The following MTTP variants were observed in gnomAD, a reference collection of about 807,000 sequenced individuals.
MTTP encodes the protein microsomal triglyceride transfer protein, also known as microsomal triglyceride transfer protein large subunit.
In MTTP, 49 loss-of-function variants were observed where a neutral mutation model predicts 90.6. That is an observed-to-expected ratio of 0.54 (90% CI 0.43 to 0.69). The LOEUF is 0.69. Among genes scored for constraint, MTTP ranks in the 30% least tolerant of loss-of-function variants. The pLI, the probability that MTTP is intolerant of heterozygous loss-of-function variation, is 0.00. For synonymous variants in MTTP, 347 were observed against 384.2 expected (o/e 0.90, Z 1.13); for missense variants, 945 against 1,067.5 (o/e 0.89, Z 1.60).
At chr4:99,606,520 T>C (rs1725820170) in intron 10 of MTTP, among the ~76,000 whole-genome samples, 1 of 152,230 alleles carries the variant, frequency 6.6e-6, no homozygotes, top group South Asian at 2.1e-4. Context: ...TTATTGATAA[T>C]ACTCATTGCT....
At chr4:99,612,638 T>C (rs1393440276) in intron 14 of MTTP, among the ~76,000 whole-genome samples, 2 of 152,178 alleles carry the variant, frequency 1.3e-5, no homozygotes, top group African/African-American at 4.8e-5. Flanking sequence ...TGACATTTAT[T>C]AGCTGAGTAA....
upstream of MTTP, among the ~76,000 whole-genome samples, chr4:99,570,038 C>G (rs1252141252): frequency 1.3e-5 from 2 of 151,304 alleles, no homozygotes; most frequent in Non-Finnish European, 3.0e-5. Context: ...TTTTTGTGCA[C>G]TTTATGCCTA....
Position 99,621,249 on chromosome 4 carries a change from G to C in MTTP, c.2513+18G>C, listed in dbSNP as rs1726223673. The C allele has an allele frequency of 6.2e-7, 1 of 1,613,512 alleles. No homozygotes were observed. Among genetic ancestry groups the C allele is most frequent in the African/African-American group, 1.3e-5 (1 of 74,850 alleles). On this transcript the variant is annotated intron_variant, in intron 17 of 17. Coordinates refer to ENST00000265517, the MANE Select transcript of MTTP (RefSeq NM_001386140.1). ...CCATTCAGGTAAGATGCAGCGTTCA[G>C]GTCATGTTCCAGGACCATCCCCAGT...
At chr4:99,579,641 ATTT>A (rs917134605) in intron 1 of MTTP, among the ~76,000 whole-genome samples, 1 of 152,002 alleles carries the variant, frequency 6.6e-6, no homozygotes, top group Admixed American at 6.6e-5. Flanking sequence ...TTATGTACTC[ATTT>A]TTTTATTGCC....
chr4:99,602,646 G>A (rs145855658), intron 10 of MTTP, among the ~76,000 whole-genome samples: 3,531 of 151,780 alleles, frequency 0.023, 107 homozygotes, highest in Middle Eastern at 0.1. Flanking sequence ...AAAAGGCTTG[G>A]GTATTAACTT....
intron 3 of MTTP, among the ~76,000 whole-genome samples, chr4:99,587,219 T>A (rs2110214893): frequency 6.6e-6 from 1 of 152,290 alleles, no homozygotes; most frequent in African/African-American, 2.4e-5. Flanking sequence ...CTGGTATGGA[T>A]ATCAGTACTA....
upstream of MTTP, among the ~76,000 whole-genome samples, chr4:99,571,033 G>A (rs369678474): frequency 8.6e-5 from 13 of 151,876 alleles, no homozygotes; most frequent in Non-Finnish European, 1.8e-4. Flanking sequence ...TGGTAGCTAT[G>A]GAGAACTGAT....
At position 99,588,728 on chromosome 4, in the gene MTTP, C is replaced by T. The variant is rs1183199014; in HGVS notation, c.394-915C>T. 2.4e-5 allele frequency among the ~76,000 whole-genome samples: 3 copies of T among 125,774 alleles called. 1 individual carries two copies. The highest frequency in any genetic ancestry group is 2.3e-4 in the East Asian group (1 of 4,376). 82.5% of individuals were successfully genotyped at this position (125,774 alleles called of 152,430 possible). On this transcript the variant is annotated intron_variant, in intron 3 of 17. Coordinates refer to ENST00000265517, the MANE Select transcript of MTTP (RefSeq NM_001386140.1). Reference sequence around the variant, plus strand: ...ATATATATATATGTTCATATATATACACACATATATATATGTTCATATATA... The same window carrying T: ...ATATATATATATGTTCATATATATATACACATATATATATGTTCATATATA...
At chr4:99,572,148 T>A (rs893493725), upstream of MTTP, among the ~76,000 whole-genome samples, 3 of 151,968 alleles carry the variant, frequency 2.0e-5, no homozygotes, top group East Asian at 3.8e-4. Context: ...TATTTCATAG[T>A]CTCCTTATTT....
chr4:99,570,830 T>A (rs1724825400), upstream of MTTP: 2 of 454,060 alleles, frequency 4.4e-6, no homozygotes, highest in South Asian at 1.6e-5. Flanking sequence ...GGACCACGAG[T>A]CAAGGAATGC....
At chr4:99,613,704 C>T (rs1212428339) in intron 15 of MTTP, among the ~76,000 whole-genome samples, 1 of 152,140 alleles carries the variant, frequency 6.6e-6, no homozygotes, top group Non-Finnish European at 1.5e-5. Context: ...TATAGGAGTA[C>T]TTTCATTCTC....
intron 1 of MTTP, among the ~76,000 whole-genome samples, chr4:99,566,106 A>G (rs28473262): frequency 0.26 from 39,622 of 151,464 alleles, 5,347 homozygotes; most frequent in South Asian, 0.35. Flanking sequence ...TGGCTAAAAC[A>G]GTGAAACCCC....
chr4:99,580,263 T>C (rs1280757868), intron 1 of MTTP, among the ~76,000 whole-genome samples: 5 of 151,656 alleles, frequency 3.3e-5, no homozygotes, highest in Non-Finnish European at 7.4e-5. Flanking sequence ...GCATCATCTT[T>C]AGAGACAGAC....
At position 99,600,853 on chromosome 4, in the gene MTTP, A is replaced by C. The variant is rs369416096; in HGVS notation, c.1236+120A>C. On this transcript the variant is annotated intron_variant, in intron 9 of 17. Coordinates refer to ENST00000265517, the MANE Select transcript of MTTP (RefSeq NM_001386140.1). ...ATCAACTAGAGACTTCTGAGTATTC[A>C]TATTCAAATTGGGGTATTTTCTATC... 3.1e-6 allele frequency: 3 copies of C among 961,598 alleles called. No homozygotes were observed. In the African/African-American group the frequency reaches 5.0e-5, roughly 16 times the overall value. 59.6% of individuals were successfully genotyped at this position (961,598 alleles called of 1,614,324 possible). A position where few individuals can be genotyped will look rare whatever the true frequency, so the allele number is the denominator to read the frequency against.
chr4:99,580,035 CAAAAAAAAA>C (rs34092272), intron 1 of MTTP, among the ~76,000 whole-genome samples: 2 of 60,614 alleles, frequency 3.3e-5, no homozygotes, highest in African/African-American at 1.2e-4. Context: ...GACCCTGTCT[CAAAAAAAAA>C]AAAAAAAAAA....
intron 1 of MTTP, 86 bp downstream of exon 1, chr4:99,575,056 G>A: frequency 1.4e-6 from 2 of 1,410,210 alleles, no homozygotes; most frequent in Non-Finnish European, 2.0e-6. Flanking sequence ...GTTTGTGTGA[G>A]TGAATAGTGA....
At chr4:99,598,679 T>G in intron 8 of MTTP, among the ~76,000 whole-genome samples, 1 of 129,076 alleles carries the variant, frequency 7.7e-6, no homozygotes, top group South Asian at 2.5e-4. Flanking sequence ...TTTTTTTTTT[T>G]TTAGACAGTG....
intron 15 of MTTP, among the ~76,000 whole-genome samples, chr4:99,616,089 A>G (rs1023050900): frequency 1.6e-4 from 25 of 152,270 alleles, no homozygotes; most frequent in African/African-American, 6.0e-4. Context: ...AGCCATGAAT[A>G]TTAGTAGAAA....
intron 6 of MTTP, 138 bp downstream of exon 6, chr4:99,591,928 CT>C (rs1725434021): frequency 2.5e-6 from 2 of 812,654 alleles, no homozygotes; most frequent in African/African-American, 1.7e-5. Flanking sequence ...GGAATAAGTT[CT>C]GAGAAAAGCA....
Sources: allele counts gnomAD v4.1 joint callset (sites outside exome capture counted in the v4.1 genomes callset), GRCh38; gene constraint gnomAD v4.1.1; transcripts MANE v1.5; gene names NCBI Gene and HGNC (gene_info 2026-07-23, HGNC 2026-07-21).